CDK20: variants seen among roughly 807,000 people sequenced by gnomAD.
The protein encoded by CDK20 is cyclin dependent kinase 20, also known as cyclin-dependent kinase 20.
Under a neutral mutation model 38.6 loss-of-function variants are expected in CDK20, and 40 were observed. That is an observed-to-expected ratio of 1.04 (90% CI 0.81 to 1.35). The LOEUF is 1.35. Among genes scored for constraint, CDK20 ranks in the 40% most tolerant of loss-of-function variants. CDK20 has a pLI of 0.00. For synonymous variants in CDK20, 209 were observed against 185.7 expected, an observed-to-expected ratio of 1.13 and a Z score of -1.02; for missense variants, 512 against 452.6, an observed-to-expected ratio of 1.13 and a Z score of -1.19.
rs115419101 is a variant in CDK20, at chr9:87,973,117, A to G, written c.189+805T>C. 2.3e-3 allele frequency among the ~76,000 whole-genome samples: 347 copies of G among 152,304 alleles called. 1 individual carries two copies. The highest frequency in any genetic ancestry group is 8.0e-3 in the African/African-American group (334 of 41,578). Reference sequence around the variant, plus strand: ...ATAACATGCTTTTGTCATCCAATATATCATGCATATCTCCAGATCACAGAG... The same window carrying G: ...ATAACATGCTTTTGTCATCCAATATGTCATGCATATCTCCAGATCACAGAG... On this transcript the variant is annotated intron_variant, in intron 2 of 7. Coordinates refer to ENST00000325303, the MANE Select transcript of CDK20 (RefSeq NM_001039803.3).
At chr9:87,970,372 G>T (rs1004548646) in intron 5 of CDK20, 196 bp downstream of exon 5, 2 of 575,248 alleles carry the variant, frequency 3.5e-6, no homozygotes, top group Admixed American at 3.1e-5. Context: ...CATCCCACCT[G>T]GCCCCTACCC....
intron 2 of CDK20, among the ~76,000 whole-genome samples, chr9:87,973,235 G>A (rs1829987501): frequency 6.6e-6 from 1 of 152,174 alleles, no homozygotes; most frequent in South Asian, 2.1e-4. Flanking sequence ...CACTAGGGGT[G>A]AAAGATGCCC....
rs1232326158 is a variant in CDK20, at chr9:87,971,222, C to T, written c.303G>A (p.Gln101=). 2.5e-6 allele frequency: 4 copies of T among 1,614,094 alleles called. No individual in the cohort carries two copies. The highest frequency in any genetic ancestry group is 3.4e-6 in the Non-Finnish European group (4 of 1,180,054). ...TCTGCAGGTAGCTCTTGACCTGTGC[C>T]TGGGCTAGTGGCCTCTGGGCATGGC... The part of the protein sequence containing the change: ...VVRHAQRPLA[Q]AQVKSYLQML... The change falls in exon 3 of 8, where the codon CAG becomes CAA. Residue 101 remains glutamine (Q), a synonymous_variant. Coordinates refer to ENST00000325303, the MANE Select transcript of CDK20 (RefSeq NM_001039803.3).
chr9:87,971,071 C>T (rs974289409), intron 3 of CDK20, 76 bp downstream of exon 3: 12 of 1,535,818 alleles, frequency 7.8e-6, no homozygotes, highest in Non-Finnish European at 9.8e-6. Flanking sequence ...CTTATCACAC[C>T]TTTTACAAGG....
chr9:87,969,661 G>T, intron 6 of CDK20, 135 bp downstream of exon 6: 3 of 1,391,346 alleles, frequency 2.2e-6, no homozygotes, highest in Non-Finnish European at 2.0e-6. Flanking sequence ...CCTGAGTTGG[G>T]CCAGGACAGT....
intron 6 of CDK20, 191 bp from the exon 7 acceptor site, chr9:87,969,540 A>G: frequency 1.3e-6 from 1 of 774,602 alleles, no homozygotes; most frequent in Non-Finnish European, 2.0e-6. Flanking sequence ...GCCCTCTCAG[A>G]TGACGACTCT....
At chr9:87,969,417 C>T (rs1829691042) in intron 6 of CDK20, 68 bp from the exon 7 acceptor site, 1 of 1,533,098 alleles carries the variant, frequency 6.5e-7, no homozygotes, top group Admixed American at 1.7e-5. Context: ...TCTCTGCTGT[C>T]AACTCTCAGC....
chr9:87,971,239 G>C lies in CDK20; in HGVS notation c.286C>G (p.Gln96Glu), dbSNP rs775868376. ...ACCTGTGCCTGGGCTAGTGGCCTCT[G>C]GGCATGGCGCACCACCTCGGCCAGA... ...SDLAEVVRHA[Q>E]RPLAQAQVKS... Residue 96 changes from glutamine to glutamate, a missense_variant, in exon 3 of 8, where the codon CAG becomes GAG. Coordinates refer to ENST00000325303, the MANE Select transcript of CDK20 (RefSeq NM_001039803.3). 2 of 1,614,140 alleles carry C rather than the reference G, an allele frequency of 1.2e-6. No homozygotes were observed. The highest frequency in any genetic ancestry group is 2.2e-5 in the South Asian group (2 of 91,082).
Position 87,971,235 on chromosome 9 carries a change from C to T in CDK20, c.290G>A (p.Arg97Lys). 1 of 1,614,146 alleles carries T rather than the reference C, an allele frequency of 6.2e-7. No homozygotes were observed. The highest frequency in any genetic ancestry group is 8.5e-7 in the Non-Finnish European group (1 of 1,180,032). Residue 97 changes from arginine (R) to lysine (K), a missense_variant, in exon 3 of 8, where the codon AGG (arginine) becomes AAG (lysine). Physicochemically the swap from Arg to Lys is conservative, Grantham distance 26 (BLOSUM62 2). Transcript: ENST00000325303. ...DLAEVVRHAQ[R>K]PLAQAQVKSY... The stretch of plus-strand genomic sequence containing the variant: ...CTTGACCTGTGCCTGGGCTAGTGGC[C>T]TCTGGGCATGGCGCACCACCTCGGC...
intron 2 of CDK20, 82 bp from the exon 3 acceptor site, chr9:87,971,417 G>A (rs1829853314): frequency 8.5e-6 from 11 of 1,287,308 alleles, no homozygotes; most frequent in Non-Finnish European, 1.1e-5. Context: ...CCCATGCCCT[G>A]ACAGAGGACC....
chr9:87,973,939 T>C lies in CDK20; in HGVS notation c.172A>G (p.Met58Val). The C allele has an allele frequency of 6.2e-7, 1 of 1,613,964 alleles. No individual in the cohort carries two copies. The highest frequency in any genetic ancestry group is 1.3e-5 in the African/African-American group (1 of 75,026). The change falls in exon 2 of 8, where the codon ATG (methionine) becomes GTG (valine). Residue 58 changes from methionine to valine, a missense_variant. Coordinates refer to ENST00000325303, the MANE Select transcript of CDK20 (RefSeq NM_001039803.3). ...CTACTCACATACTGATTGTCCTCCATCTCCTGCAGAGCCTTAATCTCCCGC... is the reference window on the plus strand; with the variant it reads ...CTACTCACATACTGATTGTCCTCCACCTCCTGCAGAGCCTTAATCTCCCGC... The part of the protein sequence containing the change: ...ALREIKALQE[M>V]EDNQYVVQLK...
chr9:87,970,861 C>T lies in CDK20; in HGVS notation c.415G>A (p.Gly139Ser), dbSNP rs779946018. ...CCAAAGTCCGCTATCTTGAGCTGGC[C>T]TGAGGCGCTGATGAGCAGGTTGGCA... is the stretch of plus-strand genomic sequence containing the variant. ...KPANLLISAS[G>S]QLKIADFGLA... The change falls in exon 4 of 8, where the codon GGC (glycine) becomes AGC (serine). Residue 139 changes from glycine to serine, a missense_variant. Coordinates refer to ENST00000325303, the MANE Select transcript of CDK20 (RefSeq NM_001039803.3). The T allele has an allele frequency of 1.2e-6, 2 of 1,614,198 alleles. No homozygotes were observed. The highest frequency in any genetic ancestry group is 1.7e-6 in the Non-Finnish European group (2 of 1,180,040).
At chr9:87,973,195 G>A (rs1238752182) in intron 2 of CDK20, among the ~76,000 whole-genome samples, 1 of 152,170 alleles carries the variant, frequency 6.6e-6, no homozygotes, top group Non-Finnish European at 1.5e-5. Flanking sequence ...ATTTCGACAT[G>A]GGTGAGAGAG....
At position 87,973,958 on chromosome 9, in the gene CDK20, C is replaced by T. The variant is rs150927336; in HGVS notation, c.153G>A (p.Glu51=). The T allele has an allele frequency of 1.6e-5, 26 of 1,614,162 alleles. No individual in the cohort carries two copies. Among genetic ancestry groups the T allele is most frequent in the South Asian group, 3.3e-5 (3 of 91,088 alleles). The change falls in exon 2 of 8, where the codon GAG becomes GAA. Residue 51 remains glutamate (E), a synonymous_variant. Transcript: ENST00000325303. The part of the protein sequence containing the change: ...EDGFPNQALR[E]IKALQEMEDN... Reference sequence around the variant, plus strand: ...CCTCCATCTCCTGCAGAGCCTTAATCTCCCGCAGGGCCTGGTTAGGGAAGC... The same window carrying T: ...CCTCCATCTCCTGCAGAGCCTTAATTTCCCGCAGGGCCTGGTTAGGGAAGC...
chr9:87,971,044 C>A, intron 3 of CDK20, 103 bp downstream of exon 3: 2 of 1,499,768 alleles, frequency 1.3e-6, no homozygotes, highest in Non-Finnish European at 1.8e-6. Flanking sequence ...AGGCCTTGAC[C>A]AGCTCTGTCC....
intron 2 of CDK20, among the ~76,000 whole-genome samples, chr9:87,972,850 A>G (rs1298732335): frequency 6.6e-6 from 1 of 152,188 alleles, no homozygotes; most frequent in Non-Finnish European, 1.5e-5. Context: ...ATCTTCCTCA[A>G]AAAATCAAAA....
At chr9:87,970,327 A>AC (rs1829758293) in intron 5 of CDK20, 2 of 530,354 alleles carry the variant, frequency 3.8e-6, no homozygotes, top group African/African-American at 3.8e-5. Context: ...CTCCCCATCT[A>AC]GCCCAGAAAG....
Sources: gnomAD v4.1 joint callset for allele counts (sites outside exome capture counted in the v4.1 genomes callset) on GRCh38, gnomAD v4.1.1 for gene constraint, MANE v1.5 for transcripts, NCBI Gene and HGNC (gene_info 2026-07-23, HGNC 2026-07-21) for gene names.